Variants in TAFA1 observed in about 807,000 individuals in gnomAD.
TAFA1 encodes chemokine-like protein TAFA-1.
TAFA1 carries 4 observed loss-of-function variants against 18.5 expected under a neutral mutation model. The ratio of observed to expected loss-of-function variants is 0.22; its 90% CI spans 0.11 to 0.49. TAFA1 has a LOEUF of 0.49. TAFA1 is among the 20% of genes least tolerant of loss of function. The pLI, the probability that TAFA1 is intolerant of heterozygous loss-of-function variation, is 0.98. For missense variants in TAFA1, 147 were observed against 169.0 expected (o/e 0.87, Z 0.72); for synonymous variants, 56 against 55.2 (o/e 1.01, Z -0.06).
At chr3:68,385,504 G>C (rs2070079125) in intron 2 of TAFA1, among the ~76,000 whole-genome samples, 1 of 152,024 alleles carries the variant, frequency 6.6e-6, no homozygotes, top group Admixed American at 6.6e-5. Flanking sequence ...AAGTCTCTGG[G>C]CCTGTTTTAT....
At chr3:68,223,468 A>T (rs1559564585) in intron 2 of TAFA1, among the ~76,000 whole-genome samples, 1 of 152,170 alleles carries the variant, frequency 6.6e-6, no homozygotes, top group Non-Finnish European at 1.5e-5. Context: ...TTTTTTCAGA[A>T]TATGTGTGTG....
In TAFA1 at chr3:68,110,038, A is replaced by T. The variant is rs532275886; in HGVS notation, c.118+103294A>T. ...ATGTGCAGGTTTGCTACATAGGTAA[A>T]CGTGTGCCATGGGGGTTTGCTGCAC... On this transcript the variant is annotated intron_variant, in intron 2 of 4. Transcript: ENST00000478136. Among the ~76,000 whole-genome samples, 5 of 152,146 alleles carry T rather than the reference A, an allele frequency of 3.3e-5. No homozygotes were observed. The East Asian group carries it at 9.7e-4, about 29-fold the overall frequency.
At chr3:68,158,220 T>C (rs1253456514) in intron 2 of TAFA1, among the ~76,000 whole-genome samples, 1 of 152,124 alleles carries the variant, frequency 6.6e-6, no homozygotes, top group Non-Finnish European at 1.5e-5. Flanking sequence ...TGCTGAAATT[T>C]CTCAGCCACA....
chr3:68,319,026 C>T (rs921714993), intron 2 of TAFA1, among the ~76,000 whole-genome samples: 20 of 152,230 alleles, frequency 1.3e-4, no homozygotes, highest in African/African-American at 4.8e-4. Flanking sequence ...CCTCTGCTGT[C>T]CTCAGCAAAT....
intron 3 of TAFA1, among the ~76,000 whole-genome samples, chr3:68,460,858 A>G (rs1275249202): frequency 6.6e-6 from 1 of 152,250 alleles, no homozygotes; most frequent in East Asian, 1.9e-4. Flanking sequence ...CCATTAGACT[A>G]GAACTTTTCC....
chr3:68,090,307 C>A (rs938749913), intron 2 of TAFA1, among the ~76,000 whole-genome samples: 4 of 152,166 alleles, frequency 2.6e-5, no homozygotes, highest in African/African-American at 9.7e-5. Flanking sequence ...ATAGCGAGAT[C>A]ACGTGTACCC....
chr3:68,080,525 T>C (rs2064883789), intron 2 of TAFA1, among the ~76,000 whole-genome samples: 1 of 152,224 alleles, frequency 6.6e-6, no homozygotes, highest in Non-Finnish European at 1.5e-5. Context: ...ACAAAATCTC[T>C]CAGCATTTGC....
intron 3 of TAFA1, among the ~76,000 whole-genome samples, chr3:68,429,262 G>T (rs1440953762): frequency 2.0e-5 from 3 of 151,822 alleles, no homozygotes; most frequent in Non-Finnish European, 4.4e-5. Context: ...GGCTAAAACT[G>T]GTAATTTTAC....
intron 2 of TAFA1, among the ~76,000 whole-genome samples, chr3:68,318,243 C>G (rs767315422): frequency 6.6e-6 from 1 of 152,160 alleles, no homozygotes; most frequent in Non-Finnish European, 1.5e-5. Context: ...CTAATGGTGA[C>G]ACACCTCGGC....
At chr3:68,489,115 G>A (rs184548382) in intron 3 of TAFA1, among the ~76,000 whole-genome samples, 1 of 152,324 alleles carries the variant, frequency 6.6e-6, no homozygotes, top group East Asian at 1.9e-4. Context: ...AGGCAGAAGA[G>A]TTGCAGTTTT....
intron 3 of TAFA1, among the ~76,000 whole-genome samples, chr3:68,487,911 G>A (rs1235819144): frequency 2.0e-5 from 3 of 151,920 alleles, no homozygotes; most frequent in East Asian, 3.9e-4. Context: ...GGCATGTATT[G>A]GAGGGTTTTA....
chr3:68,473,584 T>C (rs1418694910), intron 3 of TAFA1, among the ~76,000 whole-genome samples: 1 of 152,144 alleles, frequency 6.6e-6, no homozygotes, highest in Non-Finnish European at 1.5e-5. Context: ...GCCTTGTTGT[T>C]TGGTTTGCAT....
At chr3:68,084,065 C>T (rs981376154) in intron 2 of TAFA1, among the ~76,000 whole-genome samples, 2 of 152,144 alleles carry the variant, frequency 1.3e-5, no homozygotes, top group Admixed American at 1.3e-4. Context: ...CACATGGGCT[C>T]CTGGCTGGCT....
intron 3 of TAFA1, among the ~76,000 whole-genome samples, chr3:68,505,583 G>A (rs2072734053): frequency 6.6e-6 from 1 of 152,114 alleles, no homozygotes; most frequent in Admixed American, 6.6e-5. Flanking sequence ...GTTCTCATCT[G>A]GAGGCTTAAC....
intron 2 of TAFA1, among the ~76,000 whole-genome samples, chr3:68,103,664 T>C (rs1002228055): frequency 5.3e-5 from 8 of 152,056 alleles, no homozygotes; most frequent in Non-Finnish European, 1.2e-4. Context: ...AGCACGCTAA[T>C]TGTCATCACC....
At chr3:68,382,263 G>C (rs2069981973) in intron 2 of TAFA1, among the ~76,000 whole-genome samples, 1 of 152,148 alleles carries the variant, frequency 6.6e-6, no homozygotes, top group Non-Finnish European at 1.5e-5. Flanking sequence ...TCTCTGCCAG[G>C]CTTTGGTATC....
intron 2 of TAFA1, among the ~76,000 whole-genome samples, chr3:68,208,996 A>G (rs887025781): frequency 6.6e-6 from 1 of 151,952 alleles, no homozygotes; most frequent in Non-Finnish European, 1.5e-5. Context: ...AACAACTGCC[A>G]TTTCATGGAT....
intron 2 of TAFA1, among the ~76,000 whole-genome samples, chr3:68,026,220 G>A (rs1704811896): frequency 1.3e-5 from 2 of 151,848 alleles, no homozygotes; most frequent in South Asian, 2.1e-4. Context: ...TCTGGTCATG[G>A]GAGTGAGGGC....
chr3:68,338,868 T>C (rs1352852), intron 2 of TAFA1, among the ~76,000 whole-genome samples: 52,674 of 152,124 alleles, frequency 0.35, 9,722 homozygotes, highest in South Asian at 0.51. Flanking sequence ...TGGAGCTTGA[T>C]CTAAGCAAGG....
Sources: allele counts gnomAD v4.1 joint callset (sites outside exome capture counted in the v4.1 genomes callset), GRCh38; gene constraint gnomAD v4.1.1; transcripts MANE v1.5; gene names NCBI Gene and HGNC (gene_info 2026-07-23, HGNC 2026-07-21).